The following ZFHX3 variants were observed in gnomAD, a reference collection of about 807,000 sequenced individuals.
ZFHX3 encodes the protein zinc finger homeobox protein 3.
ZFHX3 carries 42 observed loss-of-function variants against 279.1 expected under a neutral mutation model. That is an observed-to-expected ratio of 0.15 (90% CI 0.12 to 0.19). The LOEUF (loss-of-function observed/expected upper bound fraction) is 0.19. Ranked by LOEUF, ZFHX3 falls within the 10% of genes least tolerant of loss-of-function variation. The pLI is 1.00. For missense variants in ZFHX3, 4,981 were observed against 4,754.0 expected, an observed-to-expected ratio of 1.05 and a Z score of -1.40; for synonymous variants, 2,293 against 1,957.8, an observed-to-expected ratio of 1.17 and a Z score of -4.52.
At chr16:72,904,775 T>TGG (rs35117190) in intron 3 of ZFHX3, among the ~76,000 whole-genome samples, 179 of 151,728 alleles carry the variant, frequency 1.2e-3, no homozygotes, top group African/African-American at 1.8e-3. Flanking sequence ...TCCTTGCCTG[T>TGG]GGGGGGGGTC....
At chr16:73,490,407 A>G (rs553246314) in intron 2 of ZFHX3, among the ~76,000 whole-genome samples, 32 of 152,218 alleles carry the variant, frequency 2.1e-4, no homozygotes, top group South Asian at 4.1e-4. Flanking sequence ...TGCTACTAAA[A>G]ATTTTATTTT....
intron 5 of ZFHX3, among the ~76,000 whole-genome samples, chr16:72,816,094 T>C (rs2036598093): frequency 6.6e-6 from 1 of 152,152 alleles, no homozygotes; most frequent in South Asian, 2.1e-4. Flanking sequence ...AAAAAAAGAC[T>C]AGAAGAAAAT....
chr16:73,594,572 T>C (rs1338190595), intron 2 of ZFHX3, among the ~76,000 whole-genome samples: 1 of 152,176 alleles, frequency 6.6e-6, no homozygotes, highest in East Asian at 1.9e-4. Context: ...CACTAATTGA[T>C]AGAAGATAAC....
rs368287388 is a variant in ZFHX3 at position 73,083,721 on chromosome 16, G to A, written c.-533+9514C>T. On this transcript the variant is annotated intron_variant, in intron 8 of 17. Transcript: ENST00000641206. ...ACTGTTGTGTTTTTTATAGAGATGCGTTTTTGCCATGTGGCCCAGGCTGGT... is the reference window on the plus strand; with the variant it reads ...ACTGTTGTGTTTTTTATAGAGATGCATTTTTGCCATGTGGCCCAGGCTGGT... Among the ~76,000 whole-genome samples the A allele has an allele frequency of 1.6e-4, 24 of 152,248 alleles. 1 individual carries two copies. The highest frequency in any genetic ancestry group is 1.5e-3 in the East Asian group (8 of 5,172).
intron 1 of ZFHX3, among the ~76,000 whole-genome samples, chr16:73,773,500 A>T (rs1349105206): frequency 6.6e-6 from 1 of 152,230 alleles, no homozygotes; most frequent in Non-Finnish European, 1.5e-5. Flanking sequence ...AGCAGTGAAT[A>T]AGGATCTGTC....
intron 5 of ZFHX3, among the ~76,000 whole-genome samples, chr16:73,222,331 A>G (rs1268442876): frequency 6.6e-6 from 1 of 152,134 alleles, no homozygotes; most frequent in African/African-American, 2.4e-5. Flanking sequence ...AAAAAAATCA[A>G]CAAAAAGCCC....
chr16:72,961,837 A>G (rs1297373402), intron 1 of ZFHX3, among the ~76,000 whole-genome samples: 1 of 152,180 alleles, frequency 6.6e-6, no homozygotes, highest in Non-Finnish European at 1.5e-5. Flanking sequence ...ACAAAGTTCC[A>G]TGAGCCTTAG....
At chr16:72,879,108 G>A (rs559953011) in intron 4 of ZFHX3, among the ~76,000 whole-genome samples, 1 of 152,252 alleles carries the variant, frequency 6.6e-6, no homozygotes, top group African/African-American at 2.4e-5. Flanking sequence ...GTGAAGGACG[G>A]GCTCCGAATG....
rs529960391 is a variant in ZFHX3 at position 72,850,790 on chromosome 16, C to T, written c.3449-20931G>A. ...TTATTCCAGATTTGTTTCTAAAAGC[C>T]TAAAATTAAAAAAAATAATAAATCA... On this transcript the variant is annotated intron_variant, in intron 4 of 9. Transcript: ENST00000268489. Among the ~76,000 whole-genome samples, 18 of 151,910 alleles carry T rather than the reference C, an allele frequency of 1.2e-4. No homozygotes were observed. The South Asian group carries it at 3.8e-3, about 32-fold the overall frequency.
chr16:73,817,458 T>C (rs1399240401), intron 1 of ZFHX3, among the ~76,000 whole-genome samples: 1 of 152,190 alleles, frequency 6.6e-6, no homozygotes, highest in African/African-American at 2.4e-5. Context: ...ATTATCATCT[T>C]TCAGGGAGTT....
At chr16:73,688,424 T>C (rs892172762) in intron 1 of ZFHX3, among the ~76,000 whole-genome samples, 40 of 151,188 alleles carry the variant, frequency 2.6e-4, no homozygotes, top group Non-Finnish European at 5.2e-4. Flanking sequence ...GGTGGAGCCA[T>C]TGAGAGGTGA....
chr16:73,429,557 T>G (rs1331721918), intron 3 of ZFHX3, among the ~76,000 whole-genome samples: 1 of 152,140 alleles, frequency 6.6e-6, no homozygotes, highest in Non-Finnish European at 1.5e-5. Flanking sequence ...GGTCTTGAAC[T>G]CCTGGCCTCA....
rs560943034 is a variant in ZFHX3 at position 73,135,833 on chromosome 16, T to C, written c.-1023-4739A>G. ...GTCCCTACCTCTCCCTATTGCCTTA[T>C]ACTAGGCTCACTTCACTTATTTATA... is the stretch of plus-strand genomic sequence containing the variant. On this transcript the variant is annotated intron_variant, in intron 6 of 17. Coordinates refer to the ZFHX3 transcript ENST00000641206. Among the ~76,000 whole-genome samples the C allele has an allele frequency of 3.9e-5, 6 of 151,984 alleles. No individual in the cohort carries two copies. The South Asian group carries it at 1.3e-3, about 32-fold the overall frequency.
At chr16:73,040,780 T>A (rs533793589) in intron 1 of ZFHX3, among the ~76,000 whole-genome samples, 1 of 152,174 alleles carries the variant, frequency 6.6e-6, no homozygotes, top group Admixed American at 6.5e-5. Flanking sequence ...TGGCAGCCAA[T>A]ATCCGGAGAA....
chr16:72,992,049 G>T (rs1026215793), intron 1 of ZFHX3, among the ~76,000 whole-genome samples: 1 of 152,170 alleles, frequency 6.6e-6, no homozygotes, highest in Non-Finnish European at 1.5e-5. Context: ...GCCCTGAGTT[G>T]GGGGCAGAGG....
At chr16:73,617,884 TCC>T (rs2052321207) in intron 2 of ZFHX3, among the ~76,000 whole-genome samples, 6 of 152,192 alleles carry the variant, frequency 3.9e-5, no homozygotes, top group Admixed American at 3.9e-4. Context: ...ATTCATGCAG[TCC>T]CCCTTGAGTG....
intron 3 of ZFHX3, among the ~76,000 whole-genome samples, chr16:72,897,734 C>T (rs536256631): frequency 1.3e-5 from 2 of 152,272 alleles, no homozygotes; most frequent in South Asian, 2.1e-4. Context: ...AGTCACCGCA[C>T]CCAGCCTACA....
intron 2 of ZFHX3, among the ~76,000 whole-genome samples, chr16:73,644,965 G>T (rs1255519624): frequency 6.6e-6 from 1 of 152,188 alleles, no homozygotes; most frequent in Non-Finnish European, 1.5e-5. Flanking sequence ...ATGAAGAAAT[G>T]AATGCATTGA....
At chr16:73,699,525 A>G (rs1390723385) in intron 1 of ZFHX3, among the ~76,000 whole-genome samples, 1 of 152,196 alleles carries the variant, frequency 6.6e-6, no homozygotes, top group East Asian at 1.9e-4. Context: ...TTTAATTAAA[A>G]ATTTCTGTCA....
Sources: gnomAD v4.1 joint callset for allele counts (sites outside exome capture counted in the v4.1 genomes callset) on GRCh38, gnomAD v4.1.1 for gene constraint, MANE v1.5 for transcripts, NCBI Gene and HGNC (gene_info 2026-07-23, HGNC 2026-07-21) for gene names.